The following HSPA12A variants were observed in gnomAD, a reference collection of about 807,000 sequenced individuals.
HSPA12A encodes the protein heat shock protein family A (Hsp70) member 12A, also known as heat shock 70 kDa protein 12A.
Under a neutral mutation model 69.2 loss-of-function variants are expected in HSPA12A, and 28 were observed. That is an observed-to-expected ratio of 0.40 (90% CI 0.30 to 0.55). The LOEUF (loss-of-function observed/expected upper bound fraction) is 0.55. Ranked by LOEUF, HSPA12A falls within the 20% of genes least tolerant of loss-of-function variation. The probability of loss-of-function intolerance (pLI) is 0.38; values close to 1 mark genes in which losing one functional copy is unlikely to be tolerated. For missense variants in HSPA12A, 686 were observed against 900.7 expected (o/e 0.76, Z 3.05); for synonymous variants, 345 against 370.5 (o/e 0.93, Z 0.79).
intron 1 of HSPA12A, among the ~76,000 whole-genome samples, chr10:116,739,983 C>T (rs1253066244): frequency 6.6e-6 from 1 of 152,162 alleles, no homozygotes; most frequent in Non-Finnish European, 1.5e-5. Context: ...CTCCCCAACC[C>T]AGGACTGCCA....
chr10:116,725,335 C>A (rs536760852), intron 1 of HSPA12A, among the ~76,000 whole-genome samples: 3 of 152,188 alleles, frequency 2.0e-5, no homozygotes. Flanking sequence ...CCAGGCCTCA[C>A]GCTGGGCCTC....
At chr10:116,753,410 T>A (rs1006695004) in intron 2 of HSPA12A, among the ~76,000 whole-genome samples, 1 of 152,242 alleles carries the variant, frequency 6.6e-6, no homozygotes, top group Non-Finnish European at 1.5e-5. Flanking sequence ...CAGCCTGGGC[T>A]CAGGATCCCT....
At position 116,770,370 on chromosome 10, in the gene HSPA12A, G is replaced by T. The variant is rs569233804; in HGVS notation, c.92-63085C>A. Among the ~76,000 whole-genome samples the T allele has an allele frequency of 2.0e-5, 3 of 152,334 alleles. No individual in the cohort carries two copies. The South Asian group carries it at 6.2e-4, about 32-fold the overall frequency. ...GAAGGGGCAGATGTGGGGAGGTCCC[G>T]CAGAGGCCACGCTGTGTGCTTGTGA... On this transcript the variant is annotated intron_variant, in intron 2 of 12. Coordinates refer to the HSPA12A transcript ENST00000635765.
At chr10:116,779,173 G>A (rs782743607) in intron 2 of HSPA12A, among the ~76,000 whole-genome samples, 3 of 152,188 alleles carry the variant, frequency 2.0e-5, no homozygotes, top group Non-Finnish European at 4.4e-5. Flanking sequence ...TCGCAACATC[G>A]TGAGCGACAC....
chr10:116,702,622 C>A (rs1408945979), intron 3 of HSPA12A, among the ~76,000 whole-genome samples: 1 of 152,224 alleles, frequency 6.6e-6, no homozygotes, highest in African/African-American at 2.4e-5. Flanking sequence ...CGATGCCAGG[C>A]AGCTGCTCCA....
intron 1 of HSPA12A, among the ~76,000 whole-genome samples, chr10:116,845,929 C>T: frequency 6.6e-6 from 1 of 152,146 alleles, no homozygotes; most frequent in Admixed American, 6.5e-5. Flanking sequence ...TGTTAATAAA[C>T]CCCTTGCACA....
intron 10 of HSPA12A, 36 bp downstream of exon 10, chr10:116,679,467 G>A: frequency 6.2e-7 from 1 of 1,605,562 alleles, no homozygotes; most frequent in Non-Finnish European, 8.5e-7. Context: ...CCACCCGCTA[G>A]AATGTCCAGA....
At chr10:116,742,172 G>T (rs1336294338) in intron 1 of HSPA12A, among the ~76,000 whole-genome samples, 8 of 151,936 alleles carry the variant, frequency 5.3e-5, no homozygotes, top group Non-Finnish European at 8.8e-5. Flanking sequence ...GCGCCTCAGC[G>T]GGGGCTGCAG....
rs530549224 is a variant in HSPA12A, at chr10:116,732,255, G to A, written c.40+10175C>T. Among the ~76,000 whole-genome samples, 7 of 150,978 alleles carry A rather than the reference G, an allele frequency of 4.6e-5. No individual in the cohort carries two copies. The East Asian group carries it at 5.8e-4, about 13-fold the overall frequency. On this transcript the variant is annotated intron_variant, in intron 1 of 11. Coordinates refer to ENST00000369209, the MANE Select transcript of HSPA12A (RefSeq NM_025015.3). ...TGAGACAGGAGAATCGTTTGAACCC[G>A]GGAGGCGGAGGCTGCAGTGAGCCAA...
chr10:116,705,007 C>T (rs530852736), intron 3 of HSPA12A, 144 bp downstream of exon 3: 1 of 920,318 alleles, frequency 1.1e-6, no homozygotes, highest in East Asian at 2.7e-5. Context: ...ATGGCTTGTC[C>T]CCAGTGGCAT....
chr10:116,698,517 C>G, intron 5 of HSPA12A, 118 bp downstream of exon 5: 1 of 701,206 alleles, frequency 1.4e-6, no homozygotes, highest in South Asian at 1.8e-5. Context: ...AAAGCCCACA[C>G]TCTCCCTCCA....
At chr10:116,752,777 T>A (rs1440906858) in intron 2 of HSPA12A, among the ~76,000 whole-genome samples, 1 of 152,168 alleles carries the variant, frequency 6.6e-6, no homozygotes, top group Non-Finnish European at 1.5e-5. Context: ...AAAAGAAGAT[T>A]GACATGAACC....
At chr10:116,741,146 C>G (rs1343037890) in intron 1 of HSPA12A, among the ~76,000 whole-genome samples, 28 of 152,132 alleles carry the variant, frequency 1.8e-4, no homozygotes, top group Non-Finnish European at 7.3e-5. Flanking sequence ...CTGTCAGGAT[C>G]CCCCACCCGC....
intron 2 of HSPA12A, among the ~76,000 whole-genome samples, chr10:116,763,516 C>T (rs1266800957): frequency 6.6e-6 from 1 of 152,174 alleles, no homozygotes; most frequent in African/African-American, 2.4e-5. Flanking sequence ...GCGATATGAT[C>T]CAGTCTCTCC....
intron 1 of HSPA12A, among the ~76,000 whole-genome samples, chr10:116,731,456 G>A (rs950702677): frequency 2.6e-5 from 4 of 152,118 alleles, no homozygotes; most frequent in African/African-American, 4.8e-5. Context: ...TGGGGCCAGC[G>A]GCCATGTGGA....
intron 2 of HSPA12A, among the ~76,000 whole-genome samples, chr10:116,807,264 G>C (rs1228148425): frequency 1.3e-5 from 2 of 152,008 alleles, no homozygotes; most frequent in Non-Finnish European, 1.5e-5. Context: ...TCCCTTCCAC[G>C]GGGTCACTGT....
chr10:116,705,892 CCTTT>C lies in HSPA12A; in HGVS notation c.127-618_127-615del, dbSNP rs1387375609. On this transcript the variant is annotated intron_variant, in intron 2 of 11. Transcript: ENST00000369209. ...CAGGTTTCCAAGCCTTTCTCTCTCT[CCTTT>C]TTTTTTTTTTTTTTTTTGAGACGGA... Among the ~76,000 whole-genome samples the C allele has an allele frequency of 2.5e-3, 319 of 129,486 alleles. 7 individuals are homozygous for C. Among genetic ancestry groups the C allele is most frequent in the Admixed American group, 0.019 (247 of 12,950 alleles). The allele number at this position is 129,486 out of a possible 152,430, so 84.9% of individuals were successfully genotyped here.
Position 116,672,915 on chromosome 10 carries a change from T to C in HSPA12A, c.*1866A>G, listed in dbSNP as rs1391150920. The stretch of plus-strand genomic sequence containing the variant: ...ACCAGCACACTCTAAGTTCTGTGGT[T>C]TGTTCGTTGTTTCACATTCTAGTAG... On this transcript the variant is annotated 3_prime_UTR_variant, in exon 12 of 12. Transcript: ENST00000369209. The C allele has an allele frequency of 5.9e-5, 9 of 152,644 alleles. No homozygotes were observed. The highest frequency in any genetic ancestry group is 1.3e-4 in the Admixed American group (2 of 15,284). The allele number at this position is 152,644 out of a possible 1,614,324, so 9.5% of individuals were successfully genotyped here. A position where few individuals can be genotyped will look rare whatever the true frequency, so the allele number is the denominator to read the frequency against.
chr10:116,703,911 C>A (rs1850155366), intron 3 of HSPA12A, among the ~76,000 whole-genome samples: 1 of 152,230 alleles, frequency 6.6e-6, no homozygotes, highest in South Asian at 2.1e-4. Context: ...CTGGCAGGTG[C>A]TTTTTGCCTC....
Sources: allele counts gnomAD v4.1 joint callset (sites outside exome capture counted in the v4.1 genomes callset), GRCh38; gene constraint gnomAD v4.1.1; transcripts MANE v1.5; gene names NCBI Gene and HGNC (gene_info 2026-07-23, HGNC 2026-07-21).